The following DENND1B variants were observed in gnomAD, a reference collection of about 807,000 sequenced individuals.
DENND1B encodes DENN domain containing 1B, also known as DENN domain-containing protein 1B.
DENND1B carries 59 observed loss-of-function variants against 90.1 expected under a neutral mutation model. That is an observed-to-expected ratio of 0.65 (90% CI 0.53 to 0.81). The LOEUF is 0.81. Ranked by LOEUF, DENND1B falls within the 40% of genes least tolerant of loss-of-function variation. DENND1B has a pLI of 0.00. For synonymous variants in DENND1B, 337 were observed against 324.6 expected (o/e 1.04, Z -0.41); for missense variants, 862 against 912.6 (o/e 0.94, Z 0.71).
At chr1:197,527,170 TCTACATATATCTTTGGAACGCTGA>T (rs1669193484) in intron 20 of DENND1B, among the ~76,000 whole-genome samples, 1 of 152,146 alleles carries the variant, frequency 6.6e-6, no homozygotes, top group Admixed American at 6.5e-5. Flanking sequence ...ATATAATTAG[TCTACATATATCTTTGGAACGCTGA>T]CTGCTAAAAT....
chr1:197,596,286 C>G (rs1433086679), intron 13 of DENND1B, among the ~76,000 whole-genome samples: 4 of 151,908 alleles, frequency 2.6e-5, no homozygotes, highest in Non-Finnish European at 5.9e-5. Flanking sequence ...AGATCATACT[C>G]CTGATGTAAA....
chr1:197,522,619 A>G (rs1419818756), intron 20 of DENND1B, among the ~76,000 whole-genome samples: 1 of 152,096 alleles, frequency 6.6e-6, no homozygotes, highest in Non-Finnish European at 1.5e-5. Flanking sequence ...TTTGCTTCTA[A>G]TATCACTTCC....
intron 10 of DENND1B, among the ~76,000 whole-genome samples, chr1:197,637,764 G>C (rs1014983508): frequency 6.6e-6 from 1 of 152,136 alleles, no homozygotes; most frequent in African/African-American, 2.4e-5. Context: ...TCTAAAAATT[G>C]CTTCTAGAAT....
At chr1:197,512,019 C>T (rs906610858) in intron 21 of DENND1B, 75 bp from the exon 22 acceptor site, 3 of 1,108,826 alleles carry the variant, frequency 2.7e-6, no homozygotes, top group Non-Finnish European at 3.9e-6. Flanking sequence ...TCACCAGTTA[C>T]ATTACATTAA....
At chr1:197,720,179 T>C (rs1333400699) in intron 2 of DENND1B, among the ~76,000 whole-genome samples, 6 of 152,214 alleles carry the variant, frequency 3.9e-5, no homozygotes, top group African/African-American at 9.6e-5. Context: ...TGTAATTTAA[T>C]AATTATGGTT....
chr1:197,604,691 T>C (rs1277680314), intron 13 of DENND1B, among the ~76,000 whole-genome samples: 2 of 151,212 alleles, frequency 1.3e-5, no homozygotes, highest in East Asian at 1.9e-4. Flanking sequence ...ACAATACTAA[T>C]AGTAACATTT....
intron 3 of DENND1B, among the ~76,000 whole-genome samples, chr1:197,688,389 G>T (rs1272982965): frequency 6.6e-6 from 1 of 152,018 alleles, no homozygotes; most frequent in Non-Finnish European, 1.5e-5. Context: ...AAGAACAAAG[G>T]TGGAGGCTTC....
chr1:197,556,693 T>C (rs1671745376), intron 15 of DENND1B, among the ~76,000 whole-genome samples: 1 of 152,002 alleles, frequency 6.6e-6, no homozygotes, highest in African/African-American at 2.4e-5. Flanking sequence ...TTGTCACCTC[T>C]AAGACTATTT....
At chr1:197,627,448 T>C (rs1471830889) in intron 10 of DENND1B, among the ~76,000 whole-genome samples, 1 of 152,176 alleles carries the variant, frequency 6.6e-6, no homozygotes, top group East Asian at 1.9e-4. Context: ...TCTCAACAGA[T>C]GCAGAAAAGG....
rs567812574 is a variant in DENND1B, at chr1:197,761,995, A to C, written c.82+10873T>G. 5 of 152,196 alleles carry C rather than the reference A, an allele frequency of 3.3e-5. No individual in the cohort carries two copies. The East Asian group carries it at 9.6e-4, about 29-fold the overall frequency. The allele number at this position is 152,196 out of a possible 1,614,324, so 9.4% of individuals were successfully genotyped here. The stretch of plus-strand genomic sequence containing the variant: ...CAAGCTTTCAAAGTCCTTTACATTC[A>C]ATTTTTTTTAAGATTTAAGAAATCT... On this transcript the variant is annotated intron_variant, in intron 2 of 22. Transcript: ENST00000620048.
At chr1:197,704,772 A>C (rs1309897754) in intron 3 of DENND1B, among the ~76,000 whole-genome samples, 1 of 152,192 alleles carries the variant, frequency 6.6e-6, no homozygotes, top group Non-Finnish European at 1.5e-5. Context: ...TACCAAGAGA[A>C]AAATTATTAC....
At chr1:197,660,407 A>T (rs1654292879) in intron 5 of DENND1B, among the ~76,000 whole-genome samples, 1 of 152,080 alleles carries the variant, frequency 6.6e-6, no homozygotes. Context: ...TCAGGCCATC[A>T]ATCTCAACTA....
intron 15 of DENND1B, among the ~76,000 whole-genome samples, chr1:197,566,206 A>C (rs1446409848): frequency 6.6e-6 from 1 of 152,058 alleles, no homozygotes; most frequent in Non-Finnish European, 1.5e-5. Context: ...ATGGTATCTC[A>C]TTGTGGTTTT....
intron 2 of DENND1B, among the ~76,000 whole-genome samples, chr1:197,753,291 T>C (rs1399487057): frequency 1.3e-5 from 2 of 151,748 alleles, no homozygotes; most frequent in Non-Finnish European, 2.9e-5. Context: ...TTAATCGAAA[T>C]ATAAAGTAAA....
At chr1:197,765,163 T>C (rs762649521) in intron 2 of DENND1B, among the ~76,000 whole-genome samples, 1 of 152,164 alleles carries the variant, frequency 6.6e-6, no homozygotes, top group Non-Finnish European at 1.5e-5. Flanking sequence ...TTTTAGCAAG[T>C]TCCCCCACAA....
upstream of DENND1B, among the ~76,000 whole-genome samples, chr1:197,778,530 G>A (rs1172949867): frequency 6.6e-6 from 1 of 152,056 alleles, no homozygotes; most frequent in African/African-American, 2.4e-5. Flanking sequence ...AAAATTAGCT[G>A]GGTGTGGTGG....
At chr1:197,652,575 T>G (rs1428830795) in intron 6 of DENND1B, among the ~76,000 whole-genome samples, 2 of 152,190 alleles carry the variant, frequency 1.3e-5, no homozygotes, top group South Asian at 4.1e-4. Flanking sequence ...AACTTAATTA[T>G]TATAAAATAT....
chr1:197,529,567 T>C (rs1355500236), intron 20 of DENND1B, among the ~76,000 whole-genome samples: 1 of 151,894 alleles, frequency 6.6e-6, no homozygotes, highest in African/African-American at 2.4e-5. Context: ...TTGAGGTGTC[T>C]GTGAGTCTCA....
chr1:197,713,844 T>TATAA (rs1660291371), intron 3 of DENND1B, among the ~76,000 whole-genome samples: 38 of 22,994 alleles, frequency 1.7e-3, no homozygotes, highest in East Asian at 3.1e-3. Context: ...ATATATTATA[T>TATAA]TATATTATTA....
Sources: gnomAD v4.1 joint callset for allele counts (sites outside exome capture counted in the v4.1 genomes callset) on GRCh38, gnomAD v4.1.1 for gene constraint, MANE v1.5 for transcripts, NCBI Gene and HGNC (gene_info 2026-07-23, HGNC 2026-07-21) for gene names.